The following PGM5 variants were observed in gnomAD, a reference collection of about 807,000 sequenced individuals.
The protein encoded by PGM5 is phosphoglucomutase 5, also known as phosphoglucomutase-like protein 5.
Under a neutral mutation model 59.2 loss-of-function variants are expected in PGM5, and 23 were observed. That is an observed-to-expected ratio of 0.39 (90% CI 0.28 to 0.55). The LOEUF (loss-of-function observed/expected upper bound fraction) is 0.55. Among genes scored for constraint, PGM5 ranks in the 20% least tolerant of loss-of-function variants. The probability of loss-of-function intolerance (pLI) is 0.66; values close to 1 mark genes in which losing one functional copy is unlikely to be tolerated. For synonymous variants in PGM5, 214 were observed against 286.0 expected, an observed-to-expected ratio of 0.75 and a Z score of 2.54; for missense variants, 574 against 748.3, an observed-to-expected ratio of 0.77 and a Z score of 2.72.
chr9:68,441,094 A>G (rs782144359), intron 6 of PGM5, among the ~76,000 whole-genome samples: 7 of 152,082 alleles, frequency 4.6e-5, no homozygotes, highest in Non-Finnish European at 7.4e-5. Context: ...CAAATTATCA[A>G]CACTCACCCA....
intron 10 of PGM5, among the ~76,000 whole-genome samples, chr9:68,520,025 T>C (rs1824876525): frequency 1.3e-5 from 2 of 150,214 alleles, no homozygotes; most frequent in African/African-American, 4.9e-5. Flanking sequence ...GGGAAATTGA[T>C]GATGCAGTCA....
chr9:68,498,860 A>C (rs891778717), intron 9 of PGM5: 16 of 229,712 alleles, frequency 7.0e-5, no homozygotes, highest in African/African-American at 3.7e-4. Context: ...CACTTAATCC[A>C]CAGATTTACA....
chr9:68,410,122 A>G (rs1554681503), intron 6 of PGM5, among the ~76,000 whole-genome samples: 1 of 152,220 alleles, frequency 6.6e-6, no homozygotes, highest in Non-Finnish European at 1.5e-5. Context: ...CACCATGCCC[A>G]TATTTAGGCA....
chr9:68,381,643 C>T, intron 2 of PGM5, among the ~76,000 whole-genome samples: 1 of 142,062 alleles, frequency 7.0e-6, no homozygotes, highest in Non-Finnish European at 1.5e-5. Flanking sequence ...TACACATGCA[C>T]ACACACACAC....
chr9:68,377,055 T>A (rs149315588), intron 1 of PGM5, among the ~76,000 whole-genome samples: 1,949 of 151,668 alleles, frequency 0.013, 39 homozygotes, highest in African/African-American at 0.045. Context: ...GCCCCCGGAG[T>A]AGCTGGGACT....
rs142991376 is a variant in PGM5 at position 68,385,274 on chromosome 9, G to A, written c.571+730G>A. Among the ~76,000 whole-genome samples the A allele has an allele frequency of 3.0e-3, 453 of 152,160 alleles. 1 individual carries two copies. The highest frequency in any genetic ancestry group is 0.01 in the African/African-American group (430 of 41,534). ...TTATCATATTGCTTTTTCCTAGAAG[G>A]CATAGAATAGCAATAGATCTAACAT... is the stretch of plus-strand genomic sequence containing the variant. On this transcript the variant is annotated intron_variant, in intron 3 of 10. Coordinates refer to ENST00000396396, the MANE Select transcript of PGM5 (RefSeq NM_021965.4).
chr9:68,461,616 G>A (rs1395947328), intron 6 of PGM5, among the ~76,000 whole-genome samples: 3 of 152,124 alleles, frequency 2.0e-5, no homozygotes, highest in Non-Finnish European at 4.4e-5. Flanking sequence ...TATAAAAAAA[G>A]CCTTTACACA....
intron 6 of PGM5, chr9:68,396,124 T>C (rs1478966820): frequency 6.6e-6 from 1 of 152,138 alleles, no homozygotes; most frequent in Non-Finnish European, 1.5e-5. Context: ...TCTTATAATT[T>C]AGAAATAATT....
chr9:68,477,333 G>GA (rs11398269), intron 7 of PGM5, among the ~76,000 whole-genome samples: 24,174 of 152,024 alleles, frequency 0.16, 3,845 homozygotes, highest in African/African-American at 0.4. Flanking sequence ...TCCTTATTGA[G>GA]AAAAAAAGTT....
chr9:68,383,740 TAAAAAAA>T (rs61055122), intron 2 of PGM5, among the ~76,000 whole-genome samples: 9 of 106,298 alleles, frequency 8.5e-5, no homozygotes, highest in African/African-American at 3.2e-4. Flanking sequence ...ATATACAAGG[TAAAAAAA>T]AAAAAAAAAA....
intron 7 of PGM5, among the ~76,000 whole-genome samples, chr9:68,465,576 G>T (rs1321560642): frequency 6.6e-6 from 1 of 151,996 alleles, no homozygotes; most frequent in Non-Finnish European, 1.5e-5. Flanking sequence ...CCTGATTATT[G>T]TGAAGCAATC....
intron 10 of PGM5, among the ~76,000 whole-genome samples, chr9:68,513,641 C>A (rs1824784882): frequency 1.3e-5 from 2 of 152,218 alleles, no homozygotes; most frequent in Non-Finnish European, 2.9e-5. Context: ...GTCACATTAA[C>A]AGTGATCCTC....
chr9:68,506,390 C>T (rs1554689032), intron 10 of PGM5, among the ~76,000 whole-genome samples: 1 of 152,224 alleles, frequency 6.6e-6, no homozygotes, highest in African/African-American at 2.4e-5. Flanking sequence ...TATCTGACGT[C>T]GTGGCAGCTC....
chr9:68,392,537 T>G, intron 6 of PGM5, 64 bp downstream of exon 6: 2 of 1,590,362 alleles, frequency 1.3e-6, no homozygotes, highest in Non-Finnish European at 1.7e-6. Flanking sequence ...TCTCCTTTGT[T>G]GGTTGCTGGC....
At chr9:68,501,940 AC>A (rs1294888551) in intron 10 of PGM5, among the ~76,000 whole-genome samples, 1 of 152,210 alleles carries the variant, frequency 6.6e-6, no homozygotes, top group African/African-American at 2.4e-5. Flanking sequence ...AATTAGGAAA[AC>A]TTGTGATATA....
intron 4 of PGM5, among the ~76,000 whole-genome samples, chr9:68,388,884 T>A (rs1822294975): frequency 7.1e-6 from 1 of 141,620 alleles, no homozygotes; most frequent in African/African-American, 2.4e-5. Flanking sequence ...CAATAATGGA[T>A]CTTAGTGTGG....
Position 68,382,093 on chromosome 9 carries a change from G to A in PGM5, c.425-2305G>A, listed in dbSNP as rs575359117. On this transcript the variant is annotated intron_variant, in intron 2 of 10. Transcript: ENST00000396396. ...AATGTTGAGGAAAAAAAAGTTGGAG[G>A]TACCACACTTGCTGATTTAAAATTA... Among the ~76,000 whole-genome samples, 12 of 151,760 alleles carry A rather than the reference G, an allele frequency of 7.9e-5. No homozygotes were observed. The South Asian group carries it at 2.5e-3, about 32-fold the overall frequency.
At chr9:68,434,106 T>G (rs566712454) in intron 6 of PGM5, among the ~76,000 whole-genome samples, 28 of 151,256 alleles carry the variant, frequency 1.9e-4, no homozygotes, top group Non-Finnish European at 3.5e-4. Flanking sequence ...CACTTGAGGT[T>G]AGGAGTTTGA....
chr9:68,454,642 T>A (rs1343917938), intron 6 of PGM5, among the ~76,000 whole-genome samples: 1 of 152,112 alleles, frequency 6.6e-6, no homozygotes, highest in Non-Finnish European at 1.5e-5. Context: ...TTCCATTTTG[T>A]AGGTAAAAGA....
Sources: gnomAD v4.1 joint callset for allele counts (sites outside exome capture counted in the v4.1 genomes callset) on GRCh38, gnomAD v4.1.1 for gene constraint, MANE v1.5 for transcripts, NCBI Gene and HGNC (gene_info 2026-07-23, HGNC 2026-07-21) for gene names.